The following FGF7 variants were observed in gnomAD, a reference collection of about 807,000 sequenced individuals.
FGF7 encodes the protein FGF-7.
A neutral mutation model predicts 20.5 loss-of-function variants in FGF7; 6 were observed. The observed-to-expected ratio is 0.29, with a 90% CI of 0.16 to 0.58. FGF7 has a LOEUF of 0.58. Ranked by LOEUF, FGF7 falls within the 20% of genes least tolerant of loss-of-function variation. The probability of loss-of-function intolerance (pLI) is 0.90; values close to 1 mark genes in which losing one functional copy is unlikely to be tolerated. For missense variants in FGF7, 144 were observed against 228.8 expected (o/e 0.63, Z 2.39); for synonymous variants, 64 against 74.7 (o/e 0.86, Z 0.74).
chr15:49,468,948 A>G (rs1291214707), intron 2 of FGF7, among the ~76,000 whole-genome samples: 1 of 152,172 alleles, frequency 6.6e-6, no homozygotes, highest in Non-Finnish European at 1.5e-5. Flanking sequence ...AATTTTGAAT[A>G]ACATGCATAC....
chr15:49,441,324 G>A (rs2051619594), intron 2 of FGF7, among the ~76,000 whole-genome samples: 1 of 151,630 alleles, frequency 6.6e-6, no homozygotes, highest in African/African-American at 2.4e-5. Flanking sequence ...CTCATTAGGG[G>A]ATACAATGAT....
At chr15:49,430,986 AT>A (rs1169520765) in intron 2 of FGF7, among the ~76,000 whole-genome samples, 1 of 149,724 alleles carries the variant, frequency 6.7e-6, no homozygotes, top group Non-Finnish European at 1.5e-5. Context: ...AGCTTTTTTT[AT>A]TTTCTAAGGA....
At chr15:49,480,496 T>TC (rs2055838626) in intron 2 of FGF7, among the ~76,000 whole-genome samples, 1 of 135,958 alleles carries the variant, frequency 7.4e-6, no homozygotes, top group Admixed American at 7.4e-5. Flanking sequence ...TTTTTTTTTT[T>TC]GGTGAGACGG....
intron 2 of FGF7, among the ~76,000 whole-genome samples, chr15:49,456,949 G>C (rs1201806454): frequency 6.6e-6 from 1 of 152,072 alleles, no homozygotes; most frequent in East Asian, 1.9e-4. Context: ...TCATATTATA[G>C]AGAAGGGAAC....
chr15:49,435,788 A>T (rs2051047498), intron 2 of FGF7, among the ~76,000 whole-genome samples: 1 of 151,590 alleles, frequency 6.6e-6, no homozygotes, highest in Non-Finnish European at 1.5e-5. Context: ...TAGATATTCA[A>T]ATTAATATTA....
intron 2 of FGF7, among the ~76,000 whole-genome samples, chr15:49,460,615 C>T (rs1304668947): frequency 6.6e-6 from 1 of 152,090 alleles, no homozygotes; most frequent in African/African-American, 2.4e-5. Flanking sequence ...CTAGCAACAG[C>T]CAAGTCAGAA....
rs2056289032 is a variant in FGF7 at position 49,485,020 on chromosome 15, C to A, written c.*516C>A. 1 of 151,892 alleles carries A rather than the reference C, an allele frequency of 6.6e-6. No individual in the cohort carries two copies. The highest frequency in any genetic ancestry group is 2.4e-5 in the African/African-American group (1 of 41,350). The allele number at this position is 151,892 out of a possible 1,614,324, so 9.4% of individuals were successfully genotyped here. A position where few individuals can be genotyped will look rare whatever the true frequency, so the allele number is the denominator to read the frequency against. The stretch of plus-strand genomic sequence containing the variant: ...ATGCTTTCTAGTGAAAAATTATAAT[C>A]TACTTAAACTCTAATCAGAAAAAAA... On this transcript the variant is annotated 3_prime_UTR_variant, in exon 4 of 4. Transcript: ENST00000267843.
chr15:49,451,670 G>A (rs2052756783), intron 2 of FGF7, among the ~76,000 whole-genome samples: 1 of 152,028 alleles, frequency 6.6e-6, no homozygotes, highest in African/African-American at 2.4e-5. Flanking sequence ...AAGCCAAACT[G>A]AACTCTAATT....
rs971818661 is a variant in FGF7, at chr15:49,424,242, A to T, written c.-56A>T. On this transcript the variant is annotated 5_prime_UTR_variant, in exon 2 of 4. Coordinates refer to ENST00000267843, the MANE Select transcript of FGF7 (RefSeq NM_002009.4). ...GGTCAATGACCTAGGAGTAACAATC[A>T]ACTCAAGATTCATTTTCATTATGTT... The T allele has an allele frequency of 6.7e-6, 10 of 1,484,890 alleles. No homozygotes were observed. Among genetic ancestry groups the T allele is most frequent in the Admixed American group, 1.7e-5 (1 of 57,458 alleles). 92.0% of individuals were successfully genotyped at this position (1,484,890 alleles called of 1,614,324 possible). A position where few individuals can be genotyped will look rare whatever the true frequency, so the allele number is the denominator to read the frequency against.
chr15:49,446,009 T>C (rs1285564190), intron 2 of FGF7, among the ~76,000 whole-genome samples: 1 of 151,530 alleles, frequency 6.6e-6, no homozygotes, highest in East Asian at 1.9e-4. Context: ...CTTACTGGAA[T>C]AGACATATTT....
At chr15:49,477,352 T>A (rs1183050274) in intron 2 of FGF7, among the ~76,000 whole-genome samples, 1 of 152,226 alleles carries the variant, frequency 6.6e-6, no homozygotes, top group Non-Finnish European at 1.5e-5. Flanking sequence ...TCTGCTCTCC[T>A]CAAGGCCCTT....
chr15:49,483,172 T>C lies in FGF7; in HGVS notation c.308T>C (p.Val103Ala). 5 of 1,583,334 alleles carry C rather than the reference T, an allele frequency of 3.2e-6. No individual in the cohort carries two copies. Among genetic ancestry groups the C allele is most frequent in the South Asian group, 1.1e-5 (1 of 90,706 alleles). ...GCAGATATCATGGAAATCAGGACAG[T>C]GGCAGTTGGAATTGTGGCAATCAAA... ...NNYNIMEIRT[V>A]AVGIVAIKGV... The change falls in exon 3 of 4, where the codon GTG (valine) becomes GCG (alanine). Residue 103 changes from valine to alanine, a missense_variant. Val to Ala is a moderately conservative substitution (Grantham distance 64, BLOSUM62 0). Around this residue, in one of 2 missense-constraint regions of FGF7, gnomAD observed 56 missense variants for 125.4 expected, o/e 0.45. Transcript: ENST00000267843.
At chr15:49,433,912 A>G (rs2050848244) in intron 2 of FGF7, among the ~76,000 whole-genome samples, 1 of 151,798 alleles carries the variant, frequency 6.6e-6, no homozygotes, top group African/African-American at 2.4e-5. Flanking sequence ...AAAGTCTTTA[A>G]TAATTAAATG....
intron 2 of FGF7, among the ~76,000 whole-genome samples, chr15:49,472,656 A>G (rs1448318883): frequency 1.3e-5 from 2 of 152,230 alleles, no homozygotes; most frequent in Non-Finnish European, 2.9e-5. Flanking sequence ...AGGAATGAAC[A>G]TCACAATGAA....
intron 2 of FGF7, among the ~76,000 whole-genome samples, chr15:49,449,683 A>G (rs1184729934): frequency 1.3e-5 from 2 of 152,052 alleles, no homozygotes; most frequent in African/African-American, 4.8e-5. Flanking sequence ...TCCCTTTCAG[A>G]TGAATTGCTG....
intron 2 of FGF7, among the ~76,000 whole-genome samples, chr15:49,439,650 G>A (rs182452124): frequency 1.2e-3 from 182 of 151,900 alleles, no homozygotes; most frequent in African/African-American, 4.1e-3. Context: ...AGCCTGAGAA[G>A]TAGATAGCTT....
At chr15:49,454,817 G>A (rs1173512671) in intron 2 of FGF7, among the ~76,000 whole-genome samples, 2 of 152,064 alleles carry the variant, frequency 1.3e-5, no homozygotes, top group Non-Finnish European at 2.9e-5. Flanking sequence ...CACTGTGTTA[G>A]CCAGGATGGT....
At chr15:49,449,445 A>C (rs759052555) in intron 2 of FGF7, among the ~76,000 whole-genome samples, 1 of 151,998 alleles carries the variant, frequency 6.6e-6, no homozygotes, top group Non-Finnish European at 1.5e-5. Context: ...ATTACACTTA[A>C]ACATGATTTC....
At chr15:49,429,260 G>T (rs543381747) in intron 2 of FGF7, among the ~76,000 whole-genome samples, 2 of 152,086 alleles carry the variant, frequency 1.3e-5, no homozygotes, top group East Asian at 3.9e-4. Context: ...CTGGTGACCC[G>T]CATTCCCTTA....
Sources: allele counts gnomAD v4.1 joint callset (sites outside exome capture counted in the v4.1 genomes callset), GRCh38; gene constraint gnomAD v4.1.1; regional missense constraint gnomAD v4.1.1; transcripts MANE v1.5; gene names NCBI Gene and HGNC (gene_info 2026-07-23, HGNC 2026-07-21).